RUNDC3B: variants seen among roughly 807,000 people sequenced by gnomAD.
RUNDC3B encodes RUN domain-containing protein 3B.
A neutral mutation model predicts 58.4 loss-of-function variants in RUNDC3B; 33 were observed. The observed-to-expected ratio is 0.56, with a 90% confidence interval of 0.43 to 0.75. The LOEUF is 0.75. RUNDC3B is among the 30% of genes least tolerant of loss of function. RUNDC3B has a pLI of 0.00. For synonymous variants in RUNDC3B, 193 were observed against 195.2 expected (o/e 0.99, Z 0.10); for missense variants, 501 against 535.7 (o/e 0.94, Z 0.64).
Position 87,650,912 on chromosome 7 carries a change from A to G in RUNDC3B, c.213A>G (p.Glu71=). The change falls in exon 2 of 11, where the codon GAA becomes GAG. Residue 71 remains glutamate, a synonymous_variant. Coordinates refer to ENST00000394654, the MANE Select transcript of RUNDC3B (RefSeq NM_001134405.2). ...TTAACAATTTTGCAGCTATTTTGGAACAGATTTTAAGCCACCGGCTAAAAG... is the reference window on the plus strand; with the variant it reads ...TTAACAATTTTGCAGCTATTTTGGAGCAGATTTTAAGCCACCGGCTAAAAG... ...PEFNNFAAIL[E]QILSHRLKGQ... The G allele has an allele frequency of 6.2e-7, 1 of 1,610,326 alleles. No individual in the cohort carries two copies. Among genetic ancestry groups the G allele is most frequent in the Non-Finnish European group, 8.5e-7 (1 of 1,176,800 alleles).
intron 1 of RUNDC3B, 123 bp from the exon 2 acceptor site, chr7:87,650,699 C>A: frequency 1.6e-6 from 1 of 642,112 alleles, no homozygotes; most frequent in Non-Finnish European, 2.8e-6. Flanking sequence ...TGGGGTTTTT[C>A]AGATGTTATA....
At chr7:87,733,035 A>G (rs1831685928) in intron 4 of RUNDC3B, among the ~76,000 whole-genome samples, 1 of 152,232 alleles carries the variant, frequency 6.6e-6, no homozygotes, top group Admixed American at 6.5e-5. Context: ...TAGACCAGAA[A>G]TTCTCAGAAA....
chr7:87,678,164 T>C (rs1826566892), intron 2 of RUNDC3B, among the ~76,000 whole-genome samples: 1 of 152,214 alleles, frequency 6.6e-6, no homozygotes, highest in South Asian at 2.1e-4. Flanking sequence ...TCTCCTCTAT[T>C]AAGGTCTTTC....
At position 87,775,675 on chromosome 7, in the gene RUNDC3B, T is replaced by A. The variant is rs28505129; in HGVS notation, c.799-2123T>A. On this transcript the variant is annotated intron_variant, in intron 7 of 10. Transcript: ENST00000394654. The stretch of plus-strand genomic sequence containing the variant: ...ATGGCCTACATAGTTGTGCCTTTTT[T>A]AAAAAAAATCTTTTATACCATATTT... Among the ~76,000 whole-genome samples, 628 of 152,168 alleles carry A rather than the reference T, an allele frequency of 4.1e-3. 3 individuals carry two copies. The highest frequency in any genetic ancestry group is 0.015 in the African/African-American group (603 of 41,514).
intron 9 of RUNDC3B, among the ~76,000 whole-genome samples, chr7:87,813,886 C>T (rs1836870907): frequency 6.6e-6 from 1 of 151,090 alleles, no homozygotes; most frequent in Non-Finnish European, 1.5e-5. Flanking sequence ...GAGGCTGAGG[C>T]AGGAGAATGG....
intron 6 of RUNDC3B, among the ~76,000 whole-genome samples, chr7:87,762,623 T>C (rs1214696916): frequency 6.6e-6 from 1 of 151,546 alleles, no homozygotes; most frequent in Non-Finnish European, 1.5e-5. Context: ...TCTAGTATAT[T>C]CTTATCTTTT....
At chr7:87,744,705 T>C (rs943170151) in intron 6 of RUNDC3B, among the ~76,000 whole-genome samples, 3 of 152,312 alleles carry the variant, frequency 2.0e-5, no homozygotes, top group Middle Eastern at 3.4e-3. Context: ...TTATCAATCA[T>C]AGGAACTTTC....
intron 2 of RUNDC3B, among the ~76,000 whole-genome samples, chr7:87,664,782 G>A (rs908899699): frequency 6.6e-6 from 1 of 152,062 alleles, no homozygotes; most frequent in Non-Finnish European, 1.5e-5. Flanking sequence ...TAGAAGGAGA[G>A]GAGGAAGAGA....
At position 87,741,597 on chromosome 7, in the gene RUNDC3B, A is replaced by G. The variant is rs1350550954; in HGVS notation, c.629+18A>G. On this transcript the variant is annotated intron_variant, in intron 6 of 10. Transcript: ENST00000394654. ...ATCCAAAGGTATGTGACATTTTGAG[A>G]TATGTTTTTTAAAATCTTATTTAAA... 7.2e-7 allele frequency: 1 copy of G among 1,395,442 alleles called. No individual in the cohort carries two copies. Among genetic ancestry groups the G allele is most frequent in the Non-Finnish European group, 1.0e-6 (1 of 999,006 alleles). 86.4% of individuals were successfully genotyped at this position (1,395,442 alleles called of 1,614,324 possible).
At chr7:87,706,168 C>T (rs1274871246) in intron 3 of RUNDC3B, among the ~76,000 whole-genome samples, 1 of 152,192 alleles carries the variant, frequency 6.6e-6, no homozygotes, top group Non-Finnish European at 1.5e-5. Flanking sequence ...ATGCATCTTT[C>T]CATCCAATAA....
At chr7:87,773,016 C>A (rs1834365242) in intron 7 of RUNDC3B, among the ~76,000 whole-genome samples, 1 of 150,766 alleles carries the variant, frequency 6.6e-6, no homozygotes, top group Non-Finnish European at 1.5e-5. Context: ...AAAGACATTG[C>A]TTTTTTTAAA....
At chr7:87,694,737 T>C (rs1334260834) in intron 2 of RUNDC3B, among the ~76,000 whole-genome samples, 2 of 152,140 alleles carry the variant, frequency 1.3e-5, no homozygotes, top group Non-Finnish European at 2.9e-5. Flanking sequence ...TTAAGCCTTA[T>C]GTTAATAATG....
chr7:87,658,725 A>G (rs545555179), intron 2 of RUNDC3B, among the ~76,000 whole-genome samples: 3 of 152,330 alleles, frequency 2.0e-5, no homozygotes, highest in East Asian at 3.9e-4. Context: ...GGTAAAACAT[A>G]TTTCAAGTGC....
At chr7:87,816,081 C>A in intron 9 of RUNDC3B, 60 bp from the exon 10 acceptor site, 2 of 1,224,556 alleles carry the variant, frequency 1.6e-6, no homozygotes, top group Non-Finnish European at 2.4e-6. Flanking sequence ...TAAATAACCA[C>A]TCAAGAAATT....
intron 8 of RUNDC3B, among the ~76,000 whole-genome samples, chr7:87,791,612 T>C (rs1347689200): frequency 6.6e-6 from 1 of 151,748 alleles, no homozygotes; most frequent in Non-Finnish European, 1.5e-5. Flanking sequence ...TTTTTGCTTG[T>C]GTGTGTGTGT....
chr7:87,678,096 A>G (rs752007641), intron 2 of RUNDC3B, among the ~76,000 whole-genome samples: 11 of 152,238 alleles, frequency 7.2e-5, no homozygotes, highest in Non-Finnish European at 1.3e-4. Context: ...TTGGAACTTC[A>G]TGAATGAAGA....
intron 10 of RUNDC3B, among the ~76,000 whole-genome samples, chr7:87,825,987 T>C (rs932677494): frequency 1.3e-5 from 2 of 152,154 alleles, no homozygotes; most frequent in Admixed American, 6.6e-5. Flanking sequence ...AGAAGAAACT[T>C]GCCTTGTCTC....
chr7:87,710,241 G>A (rs200954134), intron 3 of RUNDC3B, among the ~76,000 whole-genome samples: 17 of 151,918 alleles, frequency 1.1e-4, no homozygotes, highest in Non-Finnish European at 2.1e-4. Context: ...GTTGATTTGC[G>A]GTATTGAAGT....
rs141897171 is a variant in RUNDC3B, at chr7:87,694,019, C to T, written c.239-6402C>T. 36 of 1,598,610 alleles carry T rather than the reference C, an allele frequency of 2.3e-5. 2 individuals carry two copies. The highest frequency in any genetic ancestry group is 1.5e-4 in the South Asian group (13 of 87,618). On this transcript the variant is annotated intron_variant, in intron 2 of 10. Coordinates refer to ENST00000394654, the MANE Select transcript of RUNDC3B (RefSeq NM_001134405.2). ...TGCACGGGAGCATGGAATTGACTTT[C>T]GGGGGAGGGCTGTATCAGTTAAGTG...
Sources: gnomAD v4.1 joint callset for allele counts (sites outside exome capture counted in the v4.1 genomes callset) on GRCh38, gnomAD v4.1.1 for gene constraint, MANE v1.5 for transcripts, NCBI Gene and HGNC (gene_info 2026-07-23, HGNC 2026-07-21) for gene names.